Variants in DYSF observed in about 807,000 individuals in gnomAD.
The protein encoded by DYSF is dysferlin.
Under a neutral mutation model 274.9 loss-of-function variants are expected in DYSF, and 212 were observed. The ratio of observed to expected loss-of-function variants is 0.77; its 90% confidence interval spans 0.69 to 0.86. The LOEUF (loss-of-function observed/expected upper bound fraction) is 0.86. DYSF is among the 40% of genes least tolerant of loss of function. DYSF has a pLI of 0.00. For synonymous variants in DYSF, 1,091 were observed against 1,078.7 expected (o/e 1.01, Z -0.22); for missense variants, 2,666 against 2,783.2 (o/e 0.96, Z 0.95).
intron 22 of DYSF, 71 bp from the exon 23 acceptor site, chr2:71,561,681 C>A: frequency 6.3e-7 from 1 of 1,588,960 alleles, no homozygotes; most frequent in Admixed American, 1.7e-5. Flanking sequence ...GAGAACCTGG[C>A]ACATGTGCAT....
At chr2:71,529,323 G>T (rs1181043685) in intron 14 of DYSF, among the ~76,000 whole-genome samples, 2 of 152,202 alleles carry the variant, frequency 1.3e-5, no homozygotes, top group Non-Finnish European at 2.9e-5. Context: ...CTTTCCAGGA[G>T]CATTCCCTTG....
intron 25 of DYSF, 44 bp from the exon 26 acceptor site, chr2:71,568,128 T>A (rs1303557972): frequency 6.2e-7 from 1 of 1,614,212 alleles, no homozygotes; most frequent in Non-Finnish European, 8.5e-7. Context: ...TACCTGGAGC[T>A]GCCTTGGCCC....
At chr2:71,599,059 G>A (rs1246808288) in intron 33 of DYSF, among the ~76,000 whole-genome samples, 1 of 152,228 alleles carries the variant, frequency 6.6e-6, no homozygotes, top group Admixed American at 6.5e-5. Context: ...TCATCGAGGA[G>A]CTGCGTGGAA....
intron 34 of DYSF, chr2:71,601,216 TC>T: frequency 1.7e-6 from 1 of 597,986 alleles, no homozygotes; most frequent in Non-Finnish European, 3.0e-6. Flanking sequence ...GGCCAGCCAC[TC>T]CCCTGCTGTA....
At chr2:71,587,276 A>G (rs2093102244) in intron 30 of DYSF, among the ~76,000 whole-genome samples, 1 of 152,134 alleles carries the variant, frequency 6.6e-6, no homozygotes, top group Non-Finnish European at 1.5e-5. Context: ...CCTGTTCACG[A>G]GGGAGGATTT....
chr2:71,663,987 A>G (rs1332851544), intron 45 of DYSF, among the ~76,000 whole-genome samples: 7 of 152,280 alleles, frequency 4.6e-5, no homozygotes, highest in South Asian at 2.1e-4. Context: ...TCAAAGCTTC[A>G]GTTTTAATGT....
chr2:71,601,634 C>G, intron 35 of DYSF, 106 bp downstream of exon 35: 1 of 1,473,544 alleles, frequency 6.8e-7, no homozygotes. Context: ...GCGATCCTGC[C>G]TCAAGCCCCC....
rs553943588 is a variant in DYSF at position 71,641,156 on chromosome 2, T to G, written c.4528-2809T>G. 5.0e-4 allele frequency among the ~76,000 whole-genome samples: 76 copies of G among 151,304 alleles called. 1 individual carries two copies. In the South Asian group the frequency reaches 7.1e-3, roughly 14 times the overall value. ...TAATAGTATATCTACTTTTAAAAAT[T>G]AGATTTGATAAATGTTTATCTATTT... is the stretch of plus-strand genomic sequence containing the variant. On this transcript the variant is annotated intron_variant, in intron 41 of 55. Coordinates refer to ENST00000410020, the MANE Select transcript of DYSF (RefSeq NM_001130987.2).
chr2:71,540,893 T>G lies in DYSF; in HGVS notation c.1576+1654T>G, dbSNP rs73941459. On this transcript the variant is annotated intron_variant, in intron 17 of 55. Transcript: ENST00000410020. ...TTTGACCTATAGAAATTTAAAATTT[T>G]TATGTAGCCAAATCTGTTAGTCTTT... Among the ~76,000 whole-genome samples, 880 of 152,292 alleles carry G rather than the reference T, an allele frequency of 5.8e-3. 15 individuals carry two copies. The highest frequency in any genetic ancestry group is 0.02 in the African/African-American group (837 of 41,574).
intron 45 of DYSF, among the ~76,000 whole-genome samples, chr2:71,661,431 A>G (rs1287663396): frequency 6.6e-6 from 1 of 152,156 alleles, no homozygotes; most frequent in Non-Finnish European, 1.5e-5. Flanking sequence ...TTTTCCCACT[A>G]ATGTCCTCTT....
chr2:71,577,303 C>T (rs796177042), intron 30 of DYSF, among the ~76,000 whole-genome samples: 5 of 151,686 alleles, frequency 3.3e-5, no homozygotes, highest in African/African-American at 9.7e-5. Flanking sequence ...CTCTGTTACA[C>T]GAACACACAC....
chr2:71,539,304 C>A, intron 17 of DYSF, 65 bp downstream of exon 17: 1 of 1,397,528 alleles, frequency 7.2e-7, no homozygotes, highest in Non-Finnish European at 1.0e-6. Context: ...CTCTATCCAG[C>A]TTACACTTCT....
intron 4 of DYSF, among the ~76,000 whole-genome samples, chr2:71,504,855 C>T (rs557820456): frequency 2.2e-4 from 34 of 152,356 alleles, no homozygotes; most frequent in South Asian, 4.1e-4. Flanking sequence ...TACCTCCCTT[C>T]GCCTCCTCCT....
At position 71,555,980 on chromosome 2, in the gene DYSF, C is replaced by T. The variant is rs756258757; in HGVS notation, c.2125C>T (p.Gln709Ter). 10 of 1,563,558 alleles carry T rather than the reference C, an allele frequency of 6.4e-6. No homozygotes were observed. The highest frequency in any genetic ancestry group is 8.7e-6 in the Non-Finnish European group (10 of 1,153,648). ...CATTCCACAGGAAGCTGGCCTGGAG[C>T]AGGTCCACCTGGCCCTGAAGGCGCA... The part of the protein sequence containing the change: ...IADRLEAGLE[Q>*]VHLALKAQCS... Residue 709 changes from glutamine (Q) to a stop codon, truncating the protein, a stop_gained, in exon 22 of 56, where the codon CAG (glutamine) becomes TAG (stop). Coordinates refer to ENST00000410020, the MANE Select transcript of DYSF (RefSeq NM_001130987.2). LOFTEE classifies it high-confidence loss of function.
At chr2:71,485,410 G>T (rs1374214293) in intron 3 of DYSF, among the ~76,000 whole-genome samples, 1 of 152,146 alleles carries the variant, frequency 6.6e-6, no homozygotes, top group Non-Finnish European at 1.5e-5. Flanking sequence ...ACAAAAATTC[G>T]CTGGGCGTGG....
rs1265842113 is a variant in DYSF at position 71,644,080 on chromosome 2, G to A, written c.4626+17G>A. Reference sequence around the variant, plus strand: ...ACCCTGAAGGTAAGGCCTCTCTTCAGTCTGACAGTCGGTGTGTGTGTGCGT... The same window carrying A: ...ACCCTGAAGGTAAGGCCTCTCTTCAATCTGACAGTCGGTGTGTGTGTGCGT... On this transcript the variant is annotated intron_variant, in intron 42 of 55. Coordinates refer to ENST00000410020, the MANE Select transcript of DYSF (RefSeq NM_001130987.2). 1 of 1,597,182 alleles carries A rather than the reference G, an allele frequency of 6.3e-7. No homozygotes were observed. The highest frequency in any genetic ancestry group is 8.6e-7 in the Non-Finnish European group (1 of 1,169,298).
At chr2:71,662,170 A>G (rs1177082763) in intron 45 of DYSF, among the ~76,000 whole-genome samples, 2 of 152,222 alleles carry the variant, frequency 1.3e-5, no homozygotes, top group Non-Finnish European at 2.9e-5. Flanking sequence ...AAACCCTTCC[A>G]TTCTATAACC....
At chr2:71,679,556 A>G (rs1183193592) in intron 53 of DYSF, among the ~76,000 whole-genome samples, 1 of 152,032 alleles carries the variant, frequency 6.6e-6, no homozygotes, top group Non-Finnish European at 1.5e-5. Flanking sequence ...TCCTGGGTGA[A>G]TGGGCGGGGG....
At chr2:71,565,061 C>T (rs1403385790) in intron 24 of DYSF, among the ~76,000 whole-genome samples, 1 of 151,296 alleles carries the variant, frequency 6.6e-6, no homozygotes, top group Non-Finnish European at 1.5e-5. Flanking sequence ...GAGGAGTGGC[C>T]CTGAGAAGCA....
Sources: gnomAD v4.1 joint callset for allele counts (sites outside exome capture counted in the v4.1 genomes callset) on GRCh38, gnomAD v4.1.1 for gene constraint, MANE v1.5 for transcripts, NCBI Gene and HGNC (gene_info 2026-07-23, HGNC 2026-07-21) for gene names.